Variants in ALDH1A3 observed in about 807,000 individuals in gnomAD.
ALDH1A3 encodes the protein retinaldehyde dehydrogenase 3.
ALDH1A3 carries 28 observed loss-of-function variants against 57.5 expected under a neutral mutation model. The ratio of observed to expected loss-of-function variants is 0.49; its 90% confidence interval spans 0.36 to 0.67. ALDH1A3 has a LOEUF of 0.67. ALDH1A3 is among the 30% of genes least tolerant of loss of function. The probability of loss-of-function intolerance (pLI) is 0.00; values close to 1 mark genes in which losing one functional copy is unlikely to be tolerated. For synonymous variants in ALDH1A3, 281 were observed against 264.8 expected (o/e 1.06, Z -0.59); for missense variants, 507 against 669.4 (o/e 0.76, Z 2.68).
chr15:100,902,553 C>G (rs1253475320), intron 9 of ALDH1A3, among the ~76,000 whole-genome samples: 1 of 152,214 alleles, frequency 6.6e-6, no homozygotes, highest in Non-Finnish European at 1.5e-5. Flanking sequence ...GTTTATTTGG[C>G]AACTGAGCAA....
At position 100,894,186 on chromosome 15, in the gene ALDH1A3, C is replaced by T. The variant is rs562347562; in HGVS notation, c.666+104C>T. Reference sequence around the variant, plus strand: ...GGGACAGTGGCAGACTGCTGGCAATCGAGTGGGAAGGGAATGACTTCCAGT... The same window carrying T: ...GGGACAGTGGCAGACTGCTGGCAATTGAGTGGGAAGGGAATGACTTCCAGT... On this transcript the variant is annotated intron_variant, in intron 6 of 12. Transcript: ENST00000329841. This position sits in a 1 kb window ranked among gnomAD's most constrained non-coding sequence, Gnocchi z 4.5. 516 of 1,419,072 alleles carry T rather than the reference C, an allele frequency of 3.6e-4. 4 individuals carry two copies. In the South Asian group the frequency reaches 6.3e-3, roughly 17 times the overall value. The allele number at this position is 1,419,072 out of a possible 1,614,324, so 87.9% of individuals were successfully genotyped here. A position where few individuals can be genotyped will look rare whatever the true frequency, so the allele number is the denominator to read the frequency against.
chr15:100,898,101 G>C lies in ALDH1A3; in HGVS notation c.799G>C (p.Glu267Gln), dbSNP rs1567171245. The change falls in exon 8 of 13, where the codon GAA becomes CAA. Residue 267 changes from glutamate to glutamine, a missense_variant. Around this residue, in one of 2 missense-constraint regions of ALDH1A3, gnomAD observed 432 missense variants for 608.4 expected, o/e 0.71. Coordinates refer to ENST00000329841, the MANE Select transcript of ALDH1A3 (RefSeq NM_000693.4). ...GSTEVGKLVK[E>Q]AASRSNLKRV... Reference sequence around the variant, plus strand: ...CCTGGAGGTTGGAAAACTGGTTAAAGAAGCTGCGTCCCGGAGCAATCTGAA... The same window carrying C: ...CCTGGAGGTTGGAAAACTGGTTAAACAAGCTGCGTCCCGGAGCAATCTGAA... 3 of 1,614,118 alleles carry C rather than the reference G, an allele frequency of 1.9e-6. No homozygotes were observed. The highest frequency in any genetic ancestry group is 2.2e-5 in the East Asian group (1 of 44,888).
At position 100,886,979 on chromosome 15, in the gene ALDH1A3, T is replaced by C. The variant is rs28539744; in HGVS notation, c.205-593T>C. 1.5e-3 allele frequency among the ~76,000 whole-genome samples: 224 copies of C among 152,358 alleles called. 1 individual carries two copies. The highest frequency in any genetic ancestry group is 5.0e-3 in the African/African-American group (210 of 41,590). On this transcript the variant is annotated intron_variant, in intron 2 of 12. Transcript: ENST00000329841. ...ACCTGATCTGTGAACAGCAGGCTCG[T>C]GTGCGTTCACACTGAGGCAGCCAGT...
chr15:100,889,971 C>T lies in ALDH1A3; in HGVS notation c.345+2259C>T, dbSNP rs1305874969. ...ATGTTCATGGAGCGTGTTCTCTTGC[C>T]GGCTCAGTGGTTTGACAGAGCTGGG... On this transcript the variant is annotated intron_variant, in intron 3 of 12. Transcript: ENST00000329841. This position sits in a 1 kb window ranked among gnomAD's most constrained non-coding sequence, Gnocchi z 5.1. Among the ~76,000 whole-genome samples the T allele has an allele frequency of 3.3e-5, 5 of 152,196 alleles. No homozygotes were observed. Among genetic ancestry groups the T allele is most frequent in the South Asian group, 2.1e-4 (1 of 4,830 alleles).
At position 100,893,144 on chromosome 15, in the gene ALDH1A3, C is replaced by T; in HGVS notation, c.537+138C>T. 1 of 737,354 alleles carries T rather than the reference C, an allele frequency of 1.4e-6. No individual in the cohort carries two copies. The highest frequency in any genetic ancestry group is 2.2e-6 in the Non-Finnish European group (1 of 462,944). 45.7% of individuals were successfully genotyped at this position (737,354 alleles called of 1,614,324 possible). Reference sequence around the variant, plus strand: ...AGCATTTTCTTCGTGGCATGGAACTCCATGCTTGGGGGCTCTTGAGATGGA... The same window carrying T: ...AGCATTTTCTTCGTGGCATGGAACTTCATGCTTGGGGGCTCTTGAGATGGA... On this transcript the variant is annotated intron_variant, in intron 5 of 12. Coordinates refer to ENST00000329841, the MANE Select transcript of ALDH1A3 (RefSeq NM_000693.4). This position sits in a 1 kb window ranked among gnomAD's most constrained non-coding sequence, Gnocchi z 4.8.
intron 3 of ALDH1A3, among the ~76,000 whole-genome samples, chr15:100,890,045 G>A (rs115368520): frequency 0.014 from 2,128 of 152,264 alleles, 44 homozygotes; most frequent in African/African-American, 0.048. Context: ...GGGATCCAGC[G>A]GCCCCTGGAT....
chr15:100,892,623 C>G lies in ALDH1A3; in HGVS notation c.459C>G (p.Gly153=). 1 of 1,612,392 alleles carries G rather than the reference C, an allele frequency of 6.2e-7. No homozygotes were observed. Among genetic ancestry groups the G allele is most frequent in the Non-Finnish European group, 8.5e-7 (1 of 1,179,536 alleles). The part of the protein sequence containing the change: ...YFAGWADKIQ[G]KTIPTDDNVV... Reference sequence around the variant, plus strand: ...CAGGGTGGGCAGACAAAATCCAGGGCAAGACCATCCCCACAGGTGAGCAAG... The same window carrying G: ...CAGGGTGGGCAGACAAAATCCAGGGGAAGACCATCCCCACAGGTGAGCAAG... The change falls in exon 4 of 13, where the codon GGC becomes GGG. Residue 153 remains glycine (G), a synonymous_variant. Coordinates refer to ENST00000329841, the MANE Select transcript of ALDH1A3 (RefSeq NM_000693.4).
At chr15:100,882,965 G>A (rs1360901718) in intron 1 of ALDH1A3, among the ~76,000 whole-genome samples, 1 of 152,262 alleles carries the variant, frequency 6.6e-6, no homozygotes, top group Admixed American at 6.5e-5. Flanking sequence ...CATAGTGATG[G>A]GAAAATATGG....
rs148792252 is a variant in ALDH1A3 at position 100,898,069 on chromosome 15, G to A, written c.781-14G>A. ...ACATCCAAGGTAAATTGTGATCTGTGTTCTGTCCTGGAGGTTGGAAAACTG... is the reference window on the plus strand; with the variant it reads ...ACATCCAAGGTAAATTGTGATCTGTATTCTGTCCTGGAGGTTGGAAAACTG... On this transcript the variant is annotated splice_polypyrimidine_tract_variant and intron_variant, in intron 7 of 12. Coordinates refer to ENST00000329841, the MANE Select transcript of ALDH1A3 (RefSeq NM_000693.4). 6 of 1,611,706 alleles carry A rather than the reference G, an allele frequency of 3.7e-6. No individual in the cohort carries two copies. The African/African-American group carries it at 5.3e-5, about 14-fold the overall frequency.
Position 100,916,227 on chromosome 15 carries a change from A to C in ALDH1A3, c.*1454A>C, listed in dbSNP as rs1298572115. On this transcript the variant is annotated 3_prime_UTR_variant, in exon 13 of 13. Transcript: ENST00000329841. ...CTTCATCAGCTAACACTTATCACTT[A>C]TACTACCAATAACTTGTTAAATCAG... 1.3e-5 allele frequency: 2 copies of C among 152,254 alleles called. No homozygotes were observed. The highest frequency in any genetic ancestry group is 4.8e-5 in the African/African-American group (2 of 41,468). 9.4% of individuals were successfully genotyped at this position (152,254 alleles called of 1,614,324 possible).
chr15:100,899,265 G>A (rs1347621262), intron 8 of ALDH1A3, among the ~76,000 whole-genome samples: 4 of 152,142 alleles, frequency 2.6e-5, no homozygotes, highest in Admixed American at 6.5e-5. Flanking sequence ...AGTGGTTTTT[G>A]GAGCCACACG....
At chr15:100,897,742 G>C (rs1460610220) in intron 7 of ALDH1A3, among the ~76,000 whole-genome samples, 1 of 152,234 alleles carries the variant, frequency 6.6e-6, no homozygotes, top group Admixed American at 6.5e-5. Context: ...TACCAGACTG[G>C]CTGGACCAGC....
Position 100,894,014 on chromosome 15 carries a change from A to G in ALDH1A3, c.598A>G (p.Thr200Ala), listed in dbSNP as rs758588507. 2 of 1,614,158 alleles carry G rather than the reference A, an allele frequency of 1.2e-6. No individual in the cohort carries two copies. The highest frequency in any genetic ancestry group is 8.5e-7 in the Non-Finnish European group (1 of 1,180,022). The change falls in exon 6 of 13, where the codon ACC becomes GCC. Residue 200 changes from threonine (T) to alanine (A), a missense_variant. Thr to Ala is a moderately conservative substitution (Grantham distance 58). Transcript: ENST00000329841. This position sits in a 1 kb window ranked among gnomAD's most constrained non-coding sequence, Gnocchi z 4.5. ...KLAPALCCGNTMVLKPAEQTP... is the reference protein window; with the variant it reads ...KLAPALCCGNAMVLKPAEQTP... ...GGCACCCGCCCTCTGCTGTGGGAAC[A>G]CCATGGTCCTGAAGCCTGCGGAGCA...
intron 3 of ALDH1A3, among the ~76,000 whole-genome samples, chr15:100,891,111 AATC>A (rs2041644813): frequency 6.6e-6 from 1 of 152,206 alleles, no homozygotes. Context: ...TAGTCAGTGT[AATC>A]ATCAGTGTTC....
chr15:100,895,407 G>T (rs966826132), intron 6 of ALDH1A3: 1 of 150,568 alleles, frequency 6.6e-6, no homozygotes, highest in Non-Finnish European at 1.5e-5. Flanking sequence ...CCAAGATCGC[G>T]CCACTACACT....
chr15:100,912,054 A>G (rs182225790), intron 12 of ALDH1A3, among the ~76,000 whole-genome samples: 67 of 152,296 alleles, frequency 4.4e-4, no homozygotes, highest in Non-Finnish European at 8.1e-4. Context: ...ACATTTCGTT[A>G]TTGAGACTGG....
intron 12 of ALDH1A3, among the ~76,000 whole-genome samples, chr15:100,909,847 A>G (rs2141574161): frequency 6.6e-6 from 1 of 152,328 alleles, no homozygotes; most frequent in African/African-American, 2.4e-5. Context: ...TTCCCAAGGA[A>G]CCATCTGTGA....
At chr15:100,892,387 C>A in intron 3 of ALDH1A3, 123 bp from the exon 4 acceptor site, 1 of 1,295,236 alleles carries the variant, frequency 7.7e-7, no homozygotes. Flanking sequence ...GTGCATCTGA[C>A]TGTGAGGTCT....
In ALDH1A3 at chr15:100,914,983, G is replaced by A; in HGVS notation, c.*210G>A. The A allele has an allele frequency of 1.8e-6, 1 of 566,964 alleles. No homozygotes were observed. The highest frequency in any genetic ancestry group is 3.1e-6 in the Non-Finnish European group (1 of 317,972). The allele number at this position is 566,964 out of a possible 1,614,324, so 35.1% of individuals were successfully genotyped here. On this transcript the variant is annotated 3_prime_UTR_variant, in exon 13 of 13. Coordinates refer to ENST00000329841, the MANE Select transcript of ALDH1A3 (RefSeq NM_000693.4). ...CCTATAGGTTGTCTGTGAAATCGCAGTCCTGCCTGGGGAGGGAGCTGTTGG... is the reference window on the plus strand; with the variant it reads ...CCTATAGGTTGTCTGTGAAATCGCAATCCTGCCTGGGGAGGGAGCTGTTGG...
Sources: gnomAD v4.1 joint callset for allele counts (sites outside exome capture counted in the v4.1 genomes callset) on GRCh38, gnomAD v4.1.1 for gene constraint, gnomAD v4.1.1 regional missense constraint, Gnocchi (gnomAD v3.1) non-coding constraint, MANE v1.5 for transcripts, NCBI Gene and HGNC (gene_info 2026-07-23, HGNC 2026-07-21) for gene names.